Variants in SLC9A9 observed in about 807,000 individuals in gnomAD.
The protein encoded by SLC9A9 is sodium/hydrogen exchanger 9.
Under a neutral mutation model 77.8 loss-of-function variants are expected in SLC9A9, and 62 were observed. That is an observed-to-expected ratio of 0.80 (90% CI 0.65 to 0.98). The LOEUF is 0.98. SLC9A9 is among the 50% of genes least tolerant of loss of function. The pLI is 0.00. For synonymous variants in SLC9A9, 320 were observed against 283.5 expected, an observed-to-expected ratio of 1.13 and a Z score of -1.29; for missense variants, 775 against 774.9, an observed-to-expected ratio of 1.00 and a Z score of 0.00.
At chr3:143,571,616 G>T (rs1171553641) in intron 8 of SLC9A9, among the ~76,000 whole-genome samples, 1 of 102,294 alleles carries the variant, frequency 9.8e-6, no homozygotes, top group East Asian at 2.4e-4. Flanking sequence ...TGCCCACTTT[G>T]ATAAGCATGA....
intron 9 of SLC9A9, among the ~76,000 whole-genome samples, chr3:143,538,072 G>T (rs576637391): frequency 5.2e-4 from 79 of 152,258 alleles, no homozygotes; most frequent in Non-Finnish European, 9.7e-4. Flanking sequence ...ATAATAAAGT[G>T]TTTTCTGCCT....
intron 8 of SLC9A9, among the ~76,000 whole-genome samples, chr3:143,566,922 T>C (rs1323575716): frequency 1.3e-5 from 2 of 152,174 alleles, no homozygotes. Flanking sequence ...GCTGTGCTTT[T>C]CGGTTATCTT....
At chr3:143,846,528 T>C (rs1384000576) in intron 1 of SLC9A9, among the ~76,000 whole-genome samples, 4 of 151,998 alleles carry the variant, frequency 2.6e-5, no homozygotes, top group Non-Finnish European at 5.9e-5. Context: ...TTTTTTTTTC[T>C]CTTAAATGAG....
chr3:143,818,459 G>A (rs980963242), intron 2 of SLC9A9, among the ~76,000 whole-genome samples: 2 of 151,880 alleles, frequency 1.3e-5, no homozygotes, highest in African/African-American at 2.4e-5. Context: ...GGGATGCACC[G>A]CCACGCCCAG....
At chr3:143,448,900 TATA>T (rs1253101953) in intron 12 of SLC9A9, among the ~76,000 whole-genome samples, 1 of 23,482 alleles carries the variant, frequency 4.3e-5, no homozygotes, top group Non-Finnish European at 5.5e-5. Flanking sequence ...TATTATAATA[TATA>T]ATATGATATA....
intron 4 of SLC9A9, among the ~76,000 whole-genome samples, chr3:143,788,843 G>A (rs192832109): frequency 2.7e-3 from 412 of 151,942 alleles, no homozygotes; most frequent in African/African-American, 9.6e-3. Flanking sequence ...AAAGAACTCT[G>A]CCAAATTAAT....
rs530971584 is a variant in SLC9A9 at position 143,373,476 on chromosome 3, T to C, written c.1524+8584A>G. Among the ~76,000 whole-genome samples, 3 of 151,872 alleles carry C rather than the reference T, an allele frequency of 2.0e-5. No individual in the cohort carries two copies. In the East Asian group the frequency reaches 5.8e-4, roughly 29 times the overall value. On this transcript the variant is annotated intron_variant, in intron 13 of 15. Coordinates refer to ENST00000316549, the MANE Select transcript of SLC9A9 (RefSeq NM_173653.4). ...GAGGGAGGTTGAAAGGAGCTAAGGA[T>C]TAAAAAATTACACATTGGGTACCAT...
intron 4 of SLC9A9, among the ~76,000 whole-genome samples, chr3:143,793,533 A>G (rs569717909): frequency 2.1e-4 from 32 of 152,320 alleles, no homozygotes; most frequent in African/African-American, 7.7e-4. Context: ...TAACCAAGGA[A>G]CATTTGTTGT....
intron 12 of SLC9A9, among the ~76,000 whole-genome samples, chr3:143,407,997 G>A (rs1209950837): frequency 6.6e-6 from 1 of 152,170 alleles, no homozygotes; most frequent in African/African-American, 2.4e-5. Flanking sequence ...TTCCTGCGGA[G>A]GGCTTTTCTT....
intron 14 of SLC9A9, among the ~76,000 whole-genome samples, chr3:143,303,053 A>C (rs2030604511): frequency 6.6e-6 from 1 of 152,112 alleles, no homozygotes; most frequent in Non-Finnish European, 1.5e-5. Context: ...CTCTCCAGGC[A>C]TTTCCCTTCC....
chr3:143,717,040 T>TA (rs1362208952), intron 4 of SLC9A9, among the ~76,000 whole-genome samples: 1 of 152,180 alleles, frequency 6.6e-6, no homozygotes, highest in Non-Finnish European at 1.5e-5. Context: ...TCCTAGAGTT[T>TA]AAAAAGACTT....
intron 6 of SLC9A9, among the ~76,000 whole-genome samples, chr3:143,625,581 G>T (rs2038307345): frequency 6.6e-6 from 1 of 152,146 alleles, no homozygotes; most frequent in South Asian, 2.1e-4. Flanking sequence ...GCTGAAACTG[G>T]ATCCCTTCCT....
intron 14 of SLC9A9, among the ~76,000 whole-genome samples, chr3:143,357,420 C>T (rs1056390650): frequency 6.6e-6 from 1 of 152,068 alleles, no homozygotes; most frequent in Admixed American, 6.6e-5. Flanking sequence ...AATAAAGTAT[C>T]CATTGAACAA....
intron 4 of SLC9A9, among the ~76,000 whole-genome samples, chr3:143,707,214 C>CT (rs2108793593): frequency 6.6e-6 from 1 of 152,192 alleles, no homozygotes; most frequent in South Asian, 2.1e-4. Flanking sequence ...TCTCAGGACA[C>CT]TTATCTGTCA....
intron 9 of SLC9A9, among the ~76,000 whole-genome samples, chr3:143,530,291 G>T (rs923572040): frequency 1.3e-5 from 2 of 152,210 alleles, no homozygotes; most frequent in African/African-American, 2.4e-5. Flanking sequence ...CCCGGTGAGA[G>T]ATAATTGAAT....
At chr3:143,438,622 G>A (rs567028939) in intron 12 of SLC9A9, among the ~76,000 whole-genome samples, 10 of 152,294 alleles carry the variant, frequency 6.6e-5, no homozygotes, top group South Asian at 6.2e-4. Flanking sequence ...TCAGTGTGTC[G>A]CAGGGCAGAG....
At chr3:143,301,049 C>A (rs2030495549) in intron 14 of SLC9A9, among the ~76,000 whole-genome samples, 2 of 152,180 alleles carry the variant, frequency 1.3e-5, no homozygotes, top group African/African-American at 2.4e-5. Context: ...CCCTAATCCT[C>A]ACCACTACCA....
At chr3:143,380,800 C>T (rs569584972) in intron 13 of SLC9A9, among the ~76,000 whole-genome samples, 1 of 152,340 alleles carries the variant, frequency 6.6e-6, no homozygotes, top group South Asian at 2.1e-4. Context: ...AGAGCACAGG[C>T]TCCTTTCTTT....
At chr3:143,743,241 G>GGATGGATGGATGGATGGATAGATA (rs1459309618) in intron 4 of SLC9A9, among the ~76,000 whole-genome samples, 14 of 133,578 alleles carry the variant, frequency 1.0e-4, no homozygotes, top group African/African-American at 3.7e-4. Flanking sequence ...ATGGATGGAT[G>GGATGGATGGATGGATGGATAGATA]GATAGATAGA....
Sources: gnomAD v4.1 joint callset for allele counts (sites outside exome capture counted in the v4.1 genomes callset) on GRCh38, gnomAD v4.1.1 for gene constraint, MANE v1.5 for transcripts, NCBI Gene and HGNC (gene_info 2026-07-23, HGNC 2026-07-21) for gene names.